The following VARS2 variants were observed in gnomAD, a reference collection of about 807,000 sequenced individuals.
VARS2 encodes the protein valine--tRNA ligase, mitochondrial.
A neutral mutation model predicts 154.1 loss-of-function variants in VARS2; 105 were observed. The observed-to-expected ratio is 0.68, with a 90% CI of 0.58 to 0.80. VARS2 has a LOEUF of 0.80. VARS2 is among the 30% of genes least tolerant of loss of function. VARS2 has a pLI of 0.00. For synonymous variants in VARS2, 483 were observed against 539.5 expected, an observed-to-expected ratio of 0.90 and a Z score of 1.45; for missense variants, 1,157 against 1,361.4, an observed-to-expected ratio of 0.85 and a Z score of 2.36.
chr6:30,923,010 AG>A, intron 23 of VARS2, 34 bp downstream of exon 23: 1 of 1,603,696 alleles, frequency 6.2e-7, no homozygotes, highest in Non-Finnish European at 8.5e-7. Context: ...GGGTGAGCAG[AG>A]GGCAGCGGGC....
At position 30,921,260 on chromosome 6, in the gene VARS2, G is replaced by A; in HGVS notation, c.1587G>A (p.Trp529Ter). The A allele has an allele frequency of 1.9e-6, 3 of 1,614,120 alleles. No individual in the cohort carries two copies. The highest frequency in any genetic ancestry group is 2.5e-6 in the Non-Finnish European group (3 of 1,180,026). Residue 529 changes from tryptophan to a stop codon, truncating the protein, a stop_gained, in exon 17 of 30, where the codon TGG becomes TGA. Coordinates refer to ENST00000676266, the MANE Select transcript of VARS2 (RefSeq NM_020442.6). LOFTEE classifies it high-confidence loss of function. This position sits in a 1 kb window ranked among gnomAD's most constrained non-coding sequence, Gnocchi z 4.6. ...GDWCVSRQLW[W>*]GHQIPAYLVV... is the part of the protein sequence containing the mutation. ...GGTGTGTCTCCCGGCAGCTGTGGTG[G>A]GGCCATCAGATTCCAGCCTACCTGG...
intron 28 of VARS2, 33 bp downstream of exon 28, chr6:30,925,752 G>C (rs1366124435): frequency 1.9e-6 from 3 of 1,610,866 alleles, no homozygotes; most frequent in Middle Eastern, 2.0e-4. Context: ...GTTAGGGCAG[G>C]CTTGGGAAGC....
chr6:30,923,975 G>C (rs1562462049), intron 25 of VARS2: 3 of 370,948 alleles, frequency 8.1e-6, no homozygotes, highest in South Asian at 2.9e-5. Context: ...AGGTTGGGGT[G>C]GGGGTGGGTG....
rs1323273629 is a variant in VARS2 at position 30,921,374 on chromosome 6, G to A, written c.1632+69G>A. 19 of 1,582,828 alleles carry A rather than the reference G, an allele frequency of 1.2e-5. No individual in the cohort carries two copies. Among genetic ancestry groups the A allele is most frequent in the African/African-American group, 4.0e-5 (3 of 74,266 alleles). On this transcript the variant is annotated intron_variant, in intron 17 of 29. Coordinates refer to ENST00000676266, the MANE Select transcript of VARS2 (RefSeq NM_020442.6). This position sits in a 1 kb window ranked among gnomAD's most constrained non-coding sequence, Gnocchi z 4.6. ...CACCTAGCCCAGGAGTCAGAGCTCCGCAGGGCCAAGTCCCGCTCCTGCCTG... is the reference window on the plus strand; with the variant it reads ...CACCTAGCCCAGGAGTCAGAGCTCCACAGGGCCAAGTCCCGCTCCTGCCTG...
Position 30,921,107 on chromosome 6 carries a change from C to T in VARS2, c.1522C>T (p.Gln508Ter), listed in dbSNP as rs1794481824. ...CCTGGAGCTCAGTCCCTCCTTCCAC[C>T]AGAAGAACTGGCAGCACTGGTTTTC... ...GALELSPSFH[Q>*]KNWQHWFSHI... Residue 508 changes from glutamine (Q) to a stop codon, truncating the protein, a stop_gained, in exon 16 of 30, where the codon CAG becomes TAG. Coordinates refer to ENST00000676266, the MANE Select transcript of VARS2 (RefSeq NM_020442.6). LOFTEE classifies it high-confidence loss of function. This position sits in a 1 kb window ranked among gnomAD's most constrained non-coding sequence, Gnocchi z 4.6. The T allele has an allele frequency of 6.2e-7, 1 of 1,613,770 alleles. No individual in the cohort carries two copies. The highest frequency in any genetic ancestry group is 1.3e-5 in the African/African-American group (1 of 74,892).
At chr6:30,925,808 G>A (rs1794801476) in intron 28 of VARS2, 72 bp from the exon 29 acceptor site, 2 of 1,610,988 alleles carry the variant, frequency 1.2e-6, no homozygotes, top group South Asian at 2.2e-5. Flanking sequence ...GTAGGGGAAG[G>A]GACCTTCTAA....
At position 30,919,471 on chromosome 6, in the gene VARS2, C is replaced by T. The variant is rs529166303; in HGVS notation, c.1075-287C>T. On this transcript the variant is annotated intron_variant, in intron 11 of 29. Coordinates refer to ENST00000676266, the MANE Select transcript of VARS2 (RefSeq NM_020442.6). The surrounding 1 kb of genome is among the most constrained non-coding windows in gnomAD (Gnocchi z 4.5). ...AAGTGCTGGGATTACAGGCGTGAGC[C>T]GCCGCGCCTGGCTGCTTGCAGCCTT... 93 of 295,288 alleles carry T rather than the reference C, an allele frequency of 3.1e-4. No homozygotes were observed. The highest frequency in any genetic ancestry group is 5.1e-4 in the Non-Finnish European group (82 of 160,872). The allele number at this position is 295,288 out of a possible 1,614,324, so 18.3% of individuals were successfully genotyped here.
At chr6:30,918,183 T>A (rs901643263) in intron 10 of VARS2, among the ~76,000 whole-genome samples, 4 of 152,240 alleles carry the variant, frequency 2.6e-5, no homozygotes, top group African/African-American at 9.6e-5. Context: ...TTCTCCTGTC[T>A]CAGCCTCCTG....
In VARS2 at chr6:30,923,084, C is replaced by T; in HGVS notation, c.2186-20C>T. On this transcript the variant is annotated intron_variant, in intron 23 of 29. Coordinates refer to ENST00000676266, the MANE Select transcript of VARS2 (RefSeq NM_020442.6). ...GCTGCTGCCACCTACATGCAGACTA[C>T]CTCGATTCTTCCCTTCCAGCGGGCG... The T allele has an allele frequency of 6.2e-7, 1 of 1,612,544 alleles. No individual in the cohort carries two copies. Among genetic ancestry groups the T allele is most frequent in the South Asian group, 1.1e-5 (1 of 91,030 alleles).
In VARS2 at chr6:30,920,321, CT is replaced by C; in HGVS notation, c.1294-7del. On this transcript the variant is annotated splice_polypyrimidine_tract_variant and intron_variant, in intron 13 of 29. Transcript: ENST00000676266. This position sits in a 1 kb window ranked among gnomAD's most constrained non-coding sequence, Gnocchi z 4.6. Reference sequence around the variant, plus strand: ...AGGCCTTCAGTCTTTACTCTTGCCGCTTTTTCTCCAGGGTCTTCACCGGTTT... The same window carrying C: ...AGGCCTTCAGTCTTTACTCTTGCCGCTTTTCTCCAGGGTCTTCACCGGTTT... 2 of 1,603,344 alleles carry C rather than the reference CT, an allele frequency of 1.2e-6. No homozygotes were observed. Among genetic ancestry groups the C allele is most frequent in the South Asian group, 1.1e-5 (1 of 89,010 alleles).
rs767875558 is a variant in VARS2 at position 30,917,082 on chromosome 6, G to C, written c.754-23G>C. 6 of 1,614,214 alleles carry C rather than the reference G, an allele frequency of 3.7e-6. No individual in the cohort carries two copies. Among genetic ancestry groups the C allele is most frequent in the Non-Finnish European group, 5.1e-6 (6 of 1,180,036 alleles). ...GATGGGCTGAGAAGTGGCTCTTAGAGGTGGACACTCAGGTCATTCCAGGGC... is the reference window on the plus strand; with the variant it reads ...GATGGGCTGAGAAGTGGCTCTTAGACGTGGACACTCAGGTCATTCCAGGGC... On this transcript the variant is annotated intron_variant, in intron 8 of 29. Transcript: ENST00000676266. This position sits in a 1 kb window ranked among gnomAD's most constrained non-coding sequence, Gnocchi z 4.4.
In VARS2 at chr6:30,920,628, G is replaced by A; in HGVS notation, c.1398-40G>A. The stretch of plus-strand genomic sequence containing the variant: ...TCTTGTGCCCCTGGGAGAAGTCACA[G>A]GGCCGGAAGAGCAGTGGACTCACCC... On this transcript the variant is annotated intron_variant, in intron 14 of 29. Coordinates refer to ENST00000676266, the MANE Select transcript of VARS2 (RefSeq NM_020442.6). The surrounding 1 kb of genome is among the most constrained non-coding windows in gnomAD (Gnocchi z 4.6). 6.7e-7 allele frequency: 1 copy of A among 1,489,916 alleles called. No individual in the cohort carries two copies. The highest frequency in any genetic ancestry group is 9.0e-7 in the Non-Finnish European group (1 of 1,107,118). The allele number at this position is 1,489,916 out of a possible 1,614,324, so 92.3% of individuals were successfully genotyped here.
chr6:30,923,642 C>G, intron 25 of VARS2, 137 bp downstream of exon 25: 1 of 1,281,116 alleles, frequency 7.8e-7, no homozygotes, highest in Non-Finnish European at 1.1e-6. Context: ...ACGAGGGAGT[C>G]TCAGTTCCCC....
intron 23 of VARS2, 47 bp from the exon 24 acceptor site, chr6:30,923,057 G>A (rs908324828): frequency 5.0e-6 from 8 of 1,609,530 alleles, no homozygotes; most frequent in African/African-American, 4.0e-5. Context: ...AGGACTTCTG[G>A]TGCTGCTGCC....
rs544086093 is a variant in VARS2, at chr6:30,915,744, A to G, written c.385-2A>G. On this transcript the variant is annotated splice_acceptor_variant, in intron 4 of 29. Transcript: ENST00000676266. LOFTEE classifies it high-confidence loss of function. ...CCCCTTTGACTTTTTTTCTTCCTCT[A>G]GGCCCGGCTGCCCCAAGCTACAGGG... 6.2e-7 allele frequency: 1 copy of G among 1,613,004 alleles called. No individual in the cohort carries two copies. The highest frequency in any genetic ancestry group is 1.1e-5 in the South Asian group (1 of 91,078).
chr6:30,922,125 C>G lies in VARS2; in HGVS notation c.1816C>G (p.Leu606Val). Reference protein sequence around the residue: ...ALGWPQETPDLARFYPLSLLE... With the variant: ...ALGWPQETPDVARFYPLSLLE... ...CTCCTCTTCCCCCTAGACCCCAGAC[C>G]TTGCTCGTTTCTACCCCCTGTCACT... The change falls in exon 20 of 30, where the codon CTT becomes GTT. Residue 606 changes from leucine (L) to valine (V), a missense_variant. Physicochemically the swap from Leu to Val is conservative, Grantham distance 32 (BLOSUM62 1). Coordinates refer to ENST00000676266, the MANE Select transcript of VARS2 (RefSeq NM_020442.6). The G allele has an allele frequency of 6.2e-6, 10 of 1,612,812 alleles. No individual in the cohort carries two copies. Among genetic ancestry groups the G allele is most frequent in the Non-Finnish European group, 8.5e-6 (10 of 1,179,904 alleles).
In VARS2 at chr6:30,926,289, T is replaced by C. The variant is rs1432791705; in HGVS notation, c.*79T>C. The C allele has an allele frequency of 7.0e-7, 1 of 1,429,200 alleles. No homozygotes were observed. Among genetic ancestry groups the C allele is most frequent in the Non-Finnish European group, 9.7e-7 (1 of 1,026,456 alleles). The allele number at this position is 1,429,200 out of a possible 1,614,324, so 88.5% of individuals were successfully genotyped here. A position where few individuals can be genotyped will look rare whatever the true frequency, so the allele number is the denominator to read the frequency against. On this transcript the variant is annotated 3_prime_UTR_variant, in exon 30 of 30. Transcript: ENST00000676266. The stretch of plus-strand genomic sequence containing the variant: ...AGATTTGTCAGCTGTCAGGGTGCAG[T>C]GGGACGTCAGAGACTATGTGGTCCA...
In VARS2 at chr6:30,923,117, C is replaced by T. The variant is rs1794634657; in HGVS notation, c.2199C>T (p.His733=). The part of the protein sequence containing the change: ...CSHGVQAGDL[H]LSVSEVQSCR... Reference sequence around the variant, plus strand: ...CTTCCCTTCCAGCGGGCGACTTGCACCTGTCAGTCTCTGAGGTCCAGAGCT... The same window carrying T: ...CTTCCCTTCCAGCGGGCGACTTGCATCTGTCAGTCTCTGAGGTCCAGAGCT... Residue 733 remains histidine (H), a synonymous_variant, in exon 24 of 30, where the codon CAC becomes CAT. Transcript: ENST00000676266. 4 of 1,613,008 alleles carry T rather than the reference C, an allele frequency of 2.5e-6. No homozygotes were observed. Among genetic ancestry groups the T allele is most frequent in the Non-Finnish European group, 3.4e-6 (4 of 1,179,952 alleles).
At position 30,917,831 on chromosome 6, in the gene VARS2, A is replaced by G; in HGVS notation, c.985+25A>G. 2 of 1,547,936 alleles carry G rather than the reference A, an allele frequency of 1.3e-6. No individual in the cohort carries two copies. Among genetic ancestry groups the G allele is most frequent in the Non-Finnish European group, 1.7e-6 (2 of 1,143,822 alleles). On this transcript the variant is annotated intron_variant, in intron 10 of 29. Coordinates refer to ENST00000676266, the MANE Select transcript of VARS2 (RefSeq NM_020442.6). This position sits in a 1 kb window ranked among gnomAD's most constrained non-coding sequence, Gnocchi z 4.4. ...GGTGAGCATAGTACTCTGCAGGGTC[A>G]CCCGTTTACCTCCATTTTTCCTGTT...
Sources: gnomAD v4.1 joint callset for allele counts (sites outside exome capture counted in the v4.1 genomes callset) on GRCh38, gnomAD v4.1.1 for gene constraint, Gnocchi (gnomAD v3.1) non-coding constraint, MANE v1.5 for transcripts, NCBI Gene and HGNC (gene_info 2026-07-23, HGNC 2026-07-21) for gene names.